The following TMEM132D variants were observed in gnomAD, a reference collection of about 807,000 sequenced individuals.
The protein encoded by TMEM132D is transmembrane protein 132D, also known as mature OL transmembrane protein.
In TMEM132D, 21 loss-of-function variants were observed where a neutral mutation model predicts 62.3. The observed-to-expected ratio is 0.34, with a 90% CI of 0.24 to 0.49. The LOEUF (loss-of-function observed/expected upper bound fraction) is 0.49, where lower values mean the gene tolerates loss of function less well. Among genes scored for constraint, TMEM132D ranks in the 20% least tolerant of loss-of-function variants. TMEM132D has a pLI of 0.99. For synonymous variants in TMEM132D, 621 were observed against 575.6 expected (o/e 1.08, Z -1.13); for missense variants, 1,346 against 1,402.8 (o/e 0.96, Z 0.65).
At chr12:129,354,402 C>A (rs538672789) in intron 3 of TMEM132D, among the ~76,000 whole-genome samples, 1 of 151,828 alleles carries the variant, frequency 6.6e-6, no homozygotes, top group Non-Finnish European at 1.5e-5. Context: ...TAGCTTACTG[C>A]AACCTCCACC....
chr12:129,393,244 G>A (rs1166328857), intron 3 of TMEM132D, among the ~76,000 whole-genome samples: 1 of 152,262 alleles, frequency 6.6e-6, no homozygotes, highest in Non-Finnish European at 1.5e-5. Context: ...CCCAGTGTGT[G>A]TGCTTGTGAA....
chr12:129,600,871 A>C (rs113593825), intron 2 of TMEM132D, among the ~76,000 whole-genome samples: 67 of 152,302 alleles, frequency 4.4e-4, no homozygotes, highest in Non-Finnish European at 7.8e-4. Context: ...AGTAAGCATA[A>C]TTATTAAGGG....
intron 3 of TMEM132D, among the ~76,000 whole-genome samples, chr12:129,473,324 G>GGTT (rs765814219): frequency 1.6e-3 from 131 of 81,546 alleles, no homozygotes; most frequent in African/African-American, 5.9e-3. Context: ...TTTAGTTTTT[G>GGTT]TTTTTTTTTT....
At chr12:129,205,788 C>G (rs1024288981) in intron 5 of TMEM132D, among the ~76,000 whole-genome samples, 1 of 146,012 alleles carries the variant, frequency 6.8e-6, no homozygotes, top group Non-Finnish European at 1.5e-5. Context: ...TTAGCAAATT[C>G]AAAAAAAAAA....
chr12:129,368,411 C>T (rs757076581), intron 3 of TMEM132D, among the ~76,000 whole-genome samples: 9 of 152,148 alleles, frequency 5.9e-5, no homozygotes, highest in Non-Finnish European at 8.8e-5. Context: ...CCTATAACCA[C>T]GTCTTTTGCA....
intron 3 of TMEM132D, among the ~76,000 whole-genome samples, chr12:129,474,262 C>T (rs1056371264): frequency 2.0e-5 from 3 of 152,168 alleles, no homozygotes; most frequent in African/African-American, 7.2e-5. Context: ...CCCTTCTGCT[C>T]CCTCCTAACA....
At chr12:129,755,321 G>T (rs1189664535) in intron 1 of TMEM132D, among the ~76,000 whole-genome samples, 1 of 152,176 alleles carries the variant, frequency 6.6e-6, no homozygotes, top group East Asian at 1.9e-4. Flanking sequence ...TGAATAAGGT[G>T]CATAAAATCT....
intron 3 of TMEM132D, among the ~76,000 whole-genome samples, chr12:129,528,638 C>T (rs559767173): frequency 6.6e-6 from 1 of 152,310 alleles, no homozygotes; most frequent in Admixed American, 6.5e-5. Context: ...TGCAGCTATG[C>T]ACCTTACTTT....
chr12:129,780,793 A>ATG (rs1476994440), intron 1 of TMEM132D, among the ~76,000 whole-genome samples: 1 of 152,220 alleles, frequency 6.6e-6, no homozygotes, highest in East Asian at 1.9e-4. Context: ...TAAATTGAAG[A>ATG]GAAAATTGAA....
intron 5 of TMEM132D, among the ~76,000 whole-genome samples, chr12:129,112,838 TA>T (rs750566207): frequency 9.9e-5 from 15 of 152,072 alleles, no homozygotes; most frequent in Non-Finnish European, 1.8e-4. Flanking sequence ...GCTTAGAGAA[TA>T]AAAGAAAAAC....
intron 4 of TMEM132D, among the ~76,000 whole-genome samples, chr12:129,227,388 G>A (rs1186172873): frequency 6.9e-6 from 1 of 144,926 alleles, no homozygotes; most frequent in African/African-American, 2.5e-5. Context: ...GGGTTTCAAT[G>A]CACTGTGTTA....
At chr12:129,170,076 C>G (rs1445028867) in intron 5 of TMEM132D, 2 of 152,230 alleles carry the variant, frequency 1.3e-5, no homozygotes, top group Non-Finnish European at 2.9e-5. Flanking sequence ...TTAATTGGGT[C>G]CAGGCAGTCT....
intron 2 of TMEM132D, among the ~76,000 whole-genome samples, chr12:129,587,900 G>A (rs958272741): frequency 5.3e-5 from 8 of 152,270 alleles, no homozygotes; most frequent in African/African-American, 7.2e-5. Flanking sequence ...AATTAACCAC[G>A]TTATAGCTCT....
At chr12:129,172,331 T>C (rs1172458643) in intron 5 of TMEM132D, among the ~76,000 whole-genome samples, 1 of 152,252 alleles carries the variant, frequency 6.6e-6, no homozygotes, top group Non-Finnish European at 1.5e-5. Flanking sequence ...AACTTTTTCA[T>C]ATCAGCAAAA....
intron 3 of TMEM132D, among the ~76,000 whole-genome samples, chr12:129,437,728 TTC>T (rs1472341571): frequency 1.6e-5 from 2 of 124,540 alleles, no homozygotes; most frequent in African/African-American, 6.2e-5. Flanking sequence ...GAATGCTCAT[TTC>T]TTTTTTTTTT....
chr12:129,704,492 A>G (rs902616206), intron 1 of TMEM132D, among the ~76,000 whole-genome samples: 4 of 152,202 alleles, frequency 2.6e-5, no homozygotes, highest in African/African-American at 9.6e-5. Flanking sequence ...TAACAGAGAC[A>G]GTGATGGGGG....
At chr12:129,376,163 A>T (rs922152342) in intron 3 of TMEM132D, among the ~76,000 whole-genome samples, 1 of 152,170 alleles carries the variant, frequency 6.6e-6, no homozygotes, top group Non-Finnish European at 1.5e-5. Context: ...CCCATTTTTA[A>T]TAGGGTGGCC....
chr12:129,085,121 G>A, intron 5 of TMEM132D: 1 of 247,712 alleles, frequency 4.0e-6, no homozygotes, highest in South Asian at 1.3e-4. Flanking sequence ...AGCCCAGGCT[G>A]TTTGCCTCAA....
At chr12:129,675,937 C>G (rs552921787) in intron 2 of TMEM132D, among the ~76,000 whole-genome samples, 1 of 152,226 alleles carries the variant, frequency 6.6e-6, no homozygotes, top group East Asian at 1.9e-4. Flanking sequence ...TCAGCAAACT[C>G]GGGCTCTCTT....
Sources: allele counts gnomAD v4.1 joint callset (sites outside exome capture counted in the v4.1 genomes callset), GRCh38; gene constraint gnomAD v4.1.1; transcripts MANE v1.5; gene names NCBI Gene and HGNC (gene_info 2026-07-23, HGNC 2026-07-21).